UPRT: variants seen among roughly 807,000 people sequenced by gnomAD.
UPRT encodes the protein RP11-311P8.3.
Under a neutral mutation model 22.6 loss-of-function variants are expected in UPRT, and 5 were observed. The ratio of observed to expected loss-of-function variants is 0.22; its 90% CI spans 0.12 to 0.47. The LOEUF (loss-of-function observed/expected upper bound fraction) is 0.47, where lower values mean the gene tolerates loss of function less well. Ranked by LOEUF, UPRT falls within the 20% of genes least tolerant of loss-of-function variation. The pLI, the probability that UPRT is intolerant of heterozygous loss-of-function variation, is 0.99. For missense variants in UPRT, 181 were observed against 239.9 expected (o/e 0.75, Z 1.62); for synonymous variants, 77 against 87.7 (o/e 0.88, Z 0.68).
At chrX:75,249,568 T>C (rs913799113) in intron 4 of UPRT, among the ~76,000 whole-genome samples, 20 of 111,175 alleles carry the variant, frequency 1.8e-4, no homozygotes, top group Non-Finnish European at 3.8e-4. Context: ...AGCAAGTCCT[T>C]AGTGACCTAC....
At chrX:75,242,198 A>G (rs1569272471) in intron 4 of UPRT, among the ~76,000 whole-genome samples, 2 of 111,777 alleles carry the variant, frequency 1.8e-5, no homozygotes, top group Non-Finnish European at 3.8e-5. Flanking sequence ...ATAAATGTGA[A>G]TCAACAGTAT....
intron 4 of UPRT, among the ~76,000 whole-genome samples, chrX:75,209,585 C>A (rs1312286416): frequency 1.8e-5 from 2 of 112,090 alleles, no homozygotes; most frequent in Non-Finnish European, 3.8e-5. Flanking sequence ...GTTGGCCAGA[C>A]TGGTCTCAAA....
chrX:75,220,908 G>T (rs1310374395), intron 4 of UPRT, among the ~76,000 whole-genome samples: 1 of 111,540 alleles, frequency 9.0e-6, no homozygotes, highest in African/African-American at 3.3e-5. Context: ...ACTATTATCA[G>T]TGAGTTTTGT....
intron 4 of UPRT, among the ~76,000 whole-genome samples, chrX:75,247,711 CTT>C (rs2082511918): frequency 8.9e-6 from 1 of 112,490 alleles, no homozygotes; most frequent in Non-Finnish European, 1.9e-5. Flanking sequence ...TGTCTGACAG[CTT>C]TGAAGAGAGT....
chrX:75,219,787 C>T (rs2082404392), intron 4 of UPRT, among the ~76,000 whole-genome samples: 1 of 111,318 alleles, frequency 9.0e-6, no homozygotes, highest in South Asian at 3.8e-4. Context: ...AATTCAACAT[C>T]CCACTTTCAG....
intron 4 of UPRT, among the ~76,000 whole-genome samples, chrX:75,170,188 C>T (rs2082223138): frequency 9.1e-6 from 1 of 110,212 alleles, no homozygotes; most frequent in Non-Finnish European, 1.9e-5. Flanking sequence ...AGGTGCACGC[C>T]ACCACGCCCA....
At chrX:75,292,199 G>A (rs910639251) in intron 1 of UPRT, among the ~76,000 whole-genome samples, 11 of 111,741 alleles carry the variant, frequency 9.8e-5, no homozygotes, top group African/African-American at 3.6e-4. Context: ...GTAGGTTTCA[G>A]TATTTTTTGC....
At chrX:75,179,500 G>C (rs914759208) in intron 4 of UPRT, among the ~76,000 whole-genome samples, 2 of 113,415 alleles carry the variant, frequency 1.8e-5, no homozygotes, top group African/African-American at 6.4e-5. Flanking sequence ...TGCCAGTCTC[G>C]CGCCATGCGC....
intron 4 of UPRT, among the ~76,000 whole-genome samples, chrX:75,205,164 A>G (rs1010369933): frequency 4.6e-5 from 5 of 108,559 alleles, no homozygotes; most frequent in Non-Finnish European, 7.7e-5. Flanking sequence ...AGGTCAGGAG[A>G]TCGAGACCAT....
chrX:75,237,400 A>T (rs2082470652), intron 4 of UPRT, among the ~76,000 whole-genome samples: 1 of 111,871 alleles, frequency 8.9e-6, no homozygotes, highest in African/African-American at 3.3e-5. Flanking sequence ...GGGATTCCTC[A>T]TGGATCTAGA....
At chrX:75,187,994 T>A (rs980589120) in intron 4 of UPRT, among the ~76,000 whole-genome samples, 7 of 112,223 alleles carry the variant, frequency 6.2e-5, no homozygotes, top group African/African-American at 2.3e-4. Context: ...CGGAGTAATT[T>A]GATCGTCTGA....
chrX:75,187,594 C>T (rs2082298255), intron 4 of UPRT, among the ~76,000 whole-genome samples: 2 of 111,977 alleles, frequency 1.8e-5, no homozygotes, highest in South Asian at 7.5e-4. Context: ...GGGAAGTTCT[C>T]CCGAATAATA....
chrX:75,262,582 G>A (rs1000006702), intron 4 of UPRT, among the ~76,000 whole-genome samples: 1 of 111,134 alleles, frequency 9.0e-6, no homozygotes, highest in African/African-American at 3.3e-5. Flanking sequence ...TAAAGAAATG[G>A]AGGAAAATTT....
chrX:75,261,495 A>G (rs1052011361), intron 4 of UPRT, among the ~76,000 whole-genome samples: 3 of 111,802 alleles, frequency 2.7e-5, no homozygotes, highest in Non-Finnish European at 5.6e-5. Context: ...GAATACACCA[A>G]TAACACGCTC....
intron 4 of UPRT, among the ~76,000 whole-genome samples, chrX:75,267,595 G>T (rs1404649349): frequency 8.9e-6 from 1 of 111,823 alleles, no homozygotes. Flanking sequence ...AATAACTCCA[G>T]ACTTAGAAGC....
chrX:75,214,281 AG>A (rs1225407041), intron 4 of UPRT, among the ~76,000 whole-genome samples: 1 of 112,951 alleles, frequency 8.9e-6, no homozygotes, highest in Non-Finnish European at 1.9e-5. Flanking sequence ...GAATGGATAA[AG>A]AAAATGTAGT....
At chrX:75,209,259 C>T (rs1364593698) in intron 4 of UPRT, among the ~76,000 whole-genome samples, 2 of 111,512 alleles carry the variant, frequency 1.8e-5, no homozygotes, top group African/African-American at 3.3e-5. Flanking sequence ...CCCTGGGTTC[C>T]GAGGTGGTAG....
intron 4 of UPRT, among the ~76,000 whole-genome samples, chrX:75,181,660 GTA>G (rs2082270651): frequency 9.0e-6 from 1 of 111,436 alleles, no homozygotes; most frequent in Admixed American, 9.6e-5. Context: ...TGTTGTTGGT[GTA>G]TAGGAATGCT....
chrX:75,189,939 C>T (rs2082308948), intron 4 of UPRT, among the ~76,000 whole-genome samples: 1 of 111,917 alleles, frequency 8.9e-6, no homozygotes. Context: ...TCCAATTTGC[C>T]AATTGCTTCT....
Sources: gnomAD v4.1 joint callset for allele counts (sites outside exome capture counted in the v4.1 genomes callset) on GRCh38, gnomAD v4.1.1 for gene constraint, MANE v1.5 for transcripts, NCBI Gene and HGNC (gene_info 2026-07-23, HGNC 2026-07-21) for gene names.